The following NAPG variants were observed in gnomAD, a reference collection of about 807,000 sequenced individuals.
NAPG encodes the protein NSF attachment protein gamma.
Under a neutral mutation model 48.4 loss-of-function variants are expected in NAPG, and 25 were observed. That is an observed-to-expected ratio of 0.52 (90% CI 0.38 to 0.72). The LOEUF (loss-of-function observed/expected upper bound fraction) is 0.72, where lower values mean the gene tolerates loss of function less well. Among genes scored for constraint, NAPG ranks in the 30% least tolerant of loss-of-function variants. The pLI is 0.00. For missense variants in NAPG, 359 were observed against 372.5 expected (o/e 0.96, Z 0.30); for synonymous variants, 139 against 127.2 (o/e 1.09, Z -0.62).
chr18:10,537,751 T>C (rs76384115), intron 5 of NAPG, among the ~76,000 whole-genome samples: 1 of 152,234 alleles, frequency 6.6e-6, no homozygotes, highest in Non-Finnish European at 1.5e-5. Context: ...AAAAAAAGTA[T>C]TGTTTTTATT....
chr18:10,536,455 A>G (rs2032034935), intron 5 of NAPG, among the ~76,000 whole-genome samples: 1 of 152,124 alleles, frequency 6.6e-6, no homozygotes, highest in Admixed American at 6.5e-5. Context: ...TGTTGGATCA[A>G]CCTTTGGTTC....
At chr18:10,532,230 A>C (rs1225563455) in intron 2 of NAPG, among the ~76,000 whole-genome samples, 1 of 152,188 alleles carries the variant, frequency 6.6e-6, no homozygotes, top group African/African-American at 2.4e-5. Context: ...AAAAAAATGC[A>C]TTGTTAGACA....
intron 5 of NAPG, among the ~76,000 whole-genome samples, chr18:10,537,987 A>G (rs1410782131): frequency 6.6e-6 from 1 of 152,180 alleles, no homozygotes; most frequent in Non-Finnish European, 1.5e-5. Flanking sequence ...TAAACCACCC[A>G]TGAGATGTCA....
rs1356433585 is a variant in NAPG at position 10,542,750 on chromosome 18, C to T, written c.506+2351C>T. On this transcript the variant is annotated intron_variant, in intron 8 of 11. Transcript: ENST00000322897. This position sits in a 1 kb window ranked among gnomAD's most constrained non-coding sequence, Gnocchi z 4.5. The stretch of plus-strand genomic sequence containing the variant: ...TTTAATACTTTCTATGTTAGTGTAG[C>T]AAAGAATCTATTTAATATATTAATC... 6.6e-6 allele frequency among the ~76,000 whole-genome samples: 1 copy of T among 152,158 alleles called. No homozygotes were observed. The highest frequency in any genetic ancestry group is 1.5e-5 in the Non-Finnish European group (1 of 68,036).
In NAPG at chr18:10,548,283, C is replaced by G. The variant is rs767804240; in HGVS notation, c.586-16C>G. 31 of 1,591,140 alleles carry G rather than the reference C, an allele frequency of 1.9e-5. No individual in the cohort carries two copies. The South Asian group carries it at 3.1e-4, about 16-fold the overall frequency. On this transcript the variant is annotated splice_polypyrimidine_tract_variant and intron_variant, in intron 9 of 11. Transcript: ENST00000322897. The surrounding 1 kb of genome is among the most constrained non-coding windows in gnomAD (Gnocchi z 4.4). ...AACAGATGTAAATTTGACCATGATC[C>G]TCTCTTTTGTTTTAGAAAACAATTG...
rs1253018378 is a variant in NAPG at position 10,551,389 on chromosome 18, A to G, written c.*1169A>G. 6.6e-6 allele frequency: 1 copy of G among 152,238 alleles called. No homozygotes were observed. Among genetic ancestry groups the G allele is most frequent in the African/African-American group, 2.4e-5 (1 of 41,458 alleles). 9.4% of individuals were successfully genotyped at this position (152,238 alleles called of 1,614,324 possible). ...CTTGACATGGAAAATGCTATATACT[A>G]TGAAAACTTAGCTGAAAGGGAAGAA... On this transcript the variant is annotated 3_prime_UTR_variant, in exon 12 of 12. Transcript: ENST00000322897.
chr18:10,526,253 C>A, intron 1 of NAPG, 95 bp downstream of exon 1: 1 of 797,982 alleles, frequency 1.3e-6, no homozygotes, highest in Non-Finnish European at 2.1e-6. Context: ...AGGGAGGGCT[C>A]AGGGCTGAGG....
Position 10,534,213 on chromosome 18 carries a change from C to T in NAPG, c.228-253C>T, listed in dbSNP as rs1159615544. 6.6e-6 allele frequency among the ~76,000 whole-genome samples: 1 copy of T among 152,180 alleles called. No individual in the cohort carries two copies. The highest frequency in any genetic ancestry group is 2.4e-5 in the African/African-American group (1 of 41,438). On this transcript the variant is annotated intron_variant, in intron 4 of 11. Transcript: ENST00000322897. This position sits in a 1 kb window ranked among gnomAD's most constrained non-coding sequence, Gnocchi z 5.0. ...TCAGATGGAAATTAATTTAACCTTA[C>T]TGAGCCTTACTTAATTTTGCATCTG...
intron 2 of NAPG, among the ~76,000 whole-genome samples, chr18:10,531,547 A>G (rs113441542): frequency 4.9e-4 from 74 of 152,362 alleles, no homozygotes; most frequent in African/African-American, 1.6e-3. Context: ...AGCCTAGCAT[A>G]GAGATCATCT....
chr18:10,548,313 AG>A lies in NAPG; in HGVS notation c.601del (p.Val201SerfsTer2). 6.2e-7 allele frequency: 1 copy of A among 1,613,098 alleles called. No homozygotes were observed. The highest frequency in any genetic ancestry group is 8.5e-7 in the Non-Finnish European group (1 of 1,179,198). ...PTCYKKTIAQVLVHLHRNDYV... is the reference protein window; with the variant it reads ...PTCYKKTIAQXLVHLHRNDYV... ...TTTTGTTTTAGAAAACAATTGCTCA[AG>A]TCTTAGTTCATCTACACAGAAATGA... On this transcript the variant is annotated frameshift_variant, in exon 10 of 12. Transcript: ENST00000322897. LOFTEE classifies it high-confidence loss of function. The surrounding 1 kb of genome is among the most constrained non-coding windows in gnomAD (Gnocchi z 4.4).
At position 10,546,484 on chromosome 18, in the gene NAPG, T is replaced by A. The variant is rs182933824; in HGVS notation, c.585+80T>A. Reference sequence around the variant, plus strand: ...GTATGAATAAGTACTTAAGAAAGGATTCTATGGGTATTTCTATGTTTTTGT... The same window carrying A: ...GTATGAATAAGTACTTAAGAAAGGAATCTATGGGTATTTCTATGTTTTTGT... On this transcript the variant is annotated intron_variant, in intron 9 of 11. Transcript: ENST00000322897. This position sits in a 1 kb window ranked among gnomAD's most constrained non-coding sequence, Gnocchi z 4.0. 1.3e-6 allele frequency: 1 copy of A among 762,172 alleles called. No homozygotes were observed. The highest frequency in any genetic ancestry group is 2.0e-6 in the Non-Finnish European group (1 of 491,308). The allele number at this position is 762,172 out of a possible 1,614,324, so 47.2% of individuals were successfully genotyped here. A position where few individuals can be genotyped will look rare whatever the true frequency, so the allele number is the denominator to read the frequency against.
chr18:10,546,343 T>C lies in NAPG; in HGVS notation c.524T>C (p.Leu175Pro). Residue 175 changes from leucine to proline, a missense_variant, in exon 9 of 12, where the codon CTC (leucine) becomes CCC (proline). Physicochemically the swap from Leu to Pro is moderately conservative, Grantham distance 98. Coordinates refer to ENST00000322897, the MANE Select transcript of NAPG (RefSeq NM_003826.3). The surrounding 1 kb of genome is among the most constrained non-coding windows in gnomAD (Gnocchi z 4.0). ...VRGRRFDEAA[L>P]SIQKEKNIYK... ...TGTTTTAGGTTTGATGAGGCGGCAC[T>C]CTCTATTCAGAAAGAAAAAAATATT... 1 of 1,582,672 alleles carries C rather than the reference T, an allele frequency of 6.3e-7. No individual in the cohort carries two copies. The highest frequency in any genetic ancestry group is 8.6e-7 in the Non-Finnish European group (1 of 1,160,708).
intron 1 of NAPG, among the ~76,000 whole-genome samples, chr18:10,529,652 C>T (rs2143089576): frequency 6.6e-6 from 1 of 152,280 alleles, no homozygotes. Flanking sequence ...ACTGAGGAGG[C>T]TGAGGCACGA....
intron 8 of NAPG, among the ~76,000 whole-genome samples, chr18:10,545,205 G>T (rs2032237926): frequency 6.6e-6 from 1 of 152,004 alleles, no homozygotes; most frequent in South Asian, 2.1e-4. Context: ...CCAGCTACTC[G>T]GGAGGCTGAG....
At chr18:10,549,290 G>C (rs1224078468) in intron 11 of NAPG, among the ~76,000 whole-genome samples, 194 bp downstream of exon 11, 1 of 152,102 alleles carries the variant, frequency 6.6e-6, no homozygotes, top group East Asian at 1.9e-4. Flanking sequence ...TGTTAGTTGT[G>C]TGGTGTATAG....
In NAPG at chr18:10,548,484, T is replaced by A; in HGVS notation, c.665+106T>A. ...TTCCTGGCCATGAAACTGTCATTTCTAAATCTTAGGAGTGCTCATCTACCA... is the reference window on the plus strand; with the variant it reads ...TTCCTGGCCATGAAACTGTCATTTCAAAATCTTAGGAGTGCTCATCTACCA... On this transcript the variant is annotated intron_variant, in intron 10 of 11. Transcript: ENST00000322897. This position sits in a 1 kb window ranked among gnomAD's most constrained non-coding sequence, Gnocchi z 4.4. 1 of 932,156 alleles carries A rather than the reference T, an allele frequency of 1.1e-6. No individual in the cohort carries two copies. The highest frequency in any genetic ancestry group is 1.7e-6 in the Non-Finnish European group (1 of 590,930). 57.7% of individuals were successfully genotyped at this position (932,156 alleles called of 1,614,324 possible). A position where few individuals can be genotyped will look rare whatever the true frequency, so the allele number is the denominator to read the frequency against.
At chr18:10,536,968 T>TA (rs2032047723) in intron 5 of NAPG, among the ~76,000 whole-genome samples, 1 of 151,840 alleles carries the variant, frequency 6.6e-6, no homozygotes, top group African/African-American at 2.4e-5. Context: ...TTTTGTTTTT[T>TA]TTTTTTGAGA....
At chr18:10,528,217 AAG>A (rs922630250) in intron 1 of NAPG, among the ~76,000 whole-genome samples, 71 of 152,216 alleles carry the variant, frequency 4.7e-4, no homozygotes, top group African/African-American at 1.5e-3. Flanking sequence ...GGAAAAGAAA[AAG>A]AAATGTGGCA....
intron 1 of NAPG, among the ~76,000 whole-genome samples, chr18:10,529,249 G>A (rs1169452634): frequency 6.6e-6 from 1 of 152,146 alleles, no homozygotes; most frequent in Non-Finnish European, 1.5e-5. Flanking sequence ...TATGGGATAG[G>A]AACAGAGGGT....
Sources: gnomAD v4.1 joint callset for allele counts (sites outside exome capture counted in the v4.1 genomes callset) on GRCh38, gnomAD v4.1.1 for gene constraint, Gnocchi (gnomAD v3.1) non-coding constraint, MANE v1.5 for transcripts, NCBI Gene and HGNC (gene_info 2026-07-23, HGNC 2026-07-21) for gene names.